Variants in COG5 observed in about 807,000 individuals in gnomAD.
The protein encoded by COG5 is conserved oligomeric Golgi complex subunit 5.
Under a neutral mutation model 110.4 loss-of-function variants are expected in COG5, and 86 were observed. The ratio of observed to expected loss-of-function variants is 0.78; its 90% CI spans 0.65 to 0.93. The LOEUF is 0.93. COG5 is among the 40% of genes least tolerant of loss of function. The pLI is 0.00. For missense variants in COG5, 1,077 were observed against 987.0 expected (o/e 1.09, Z -1.22); for synonymous variants, 360 against 334.6 (o/e 1.08, Z -0.83).
At chr7:107,545,911 G>A (rs12056254) in intron 5 of COG5, among the ~76,000 whole-genome samples, 62,050 of 151,532 alleles carry the variant, frequency 0.41, 13,122 homozygotes, top group Non-Finnish European at 0.47. Context: ...CAACAGCAGC[G>A]GAATACACAT....
chr7:107,372,662 T>A lies in COG5; in HGVS notation c.768A>T (p.Leu256Phe), dbSNP rs376958885. ...TSVVDGYCATLEENINSALDI... is the reference protein window; with the variant it reads ...TSVVDGYCATFEENINSALDI... ...CTAATGCACTGTTGATATTTTCTTC[T>A]AAAGTAGCACAATATCCATCCACAA... Residue 256 changes from leucine to phenylalanine, a missense_variant, in exon 8 of 22, where the codon TTA (leucine) becomes TTT (phenylalanine). Leu to Phe is a conservative substitution (Grantham distance 22, BLOSUM62 0). Coordinates refer to ENST00000297135, the MANE Select transcript of COG5 (RefSeq NM_006348.5). 112 of 1,613,568 alleles carry A rather than the reference T, an allele frequency of 6.9e-5. 1 individual carries two copies. Among genetic ancestry groups the A allele is most frequent in the Non-Finnish European group, 1.0e-5 (12 of 1,179,778 alleles).
At chr7:107,500,532 T>C (rs1427265923) in intron 6 of COG5, among the ~76,000 whole-genome samples, 16 of 152,198 alleles carry the variant, frequency 1.1e-4, no homozygotes, top group Non-Finnish European at 1.9e-4. Flanking sequence ...TTTAGTTACA[T>C]AGTATAAACT....
intron 6 of COG5, among the ~76,000 whole-genome samples, chr7:107,498,503 C>T (rs931949751): frequency 1.3e-5 from 2 of 151,906 alleles, no homozygotes; most frequent in African/African-American, 4.8e-5. Context: ...TACAAATAGC[C>T]AACAAGTATA....
rs79167947 is a variant in COG5, at chr7:107,394,050, C to T, written c.669+18452G>A. On this transcript the variant is annotated intron_variant, in intron 7 of 21. Coordinates refer to ENST00000297135, the MANE Select transcript of COG5 (RefSeq NM_006348.5). ...AATCTCAGCTCACTGCAAGCTCCAC[C>T]TCCCAGGTTCACGCCATTCTCCTGC... 3.1e-3 allele frequency among the ~76,000 whole-genome samples: 465 copies of T among 152,098 alleles called. 1 individual carries two copies. Among genetic ancestry groups the T allele is most frequent in the Non-Finnish European group, 5.0e-3 (342 of 67,992 alleles).
chr7:107,439,120 C>G lies in COG5; in HGVS notation c.539-26488G>C, dbSNP rs188677419. 1.8e-3 allele frequency among the ~76,000 whole-genome samples: 281 copies of G among 152,282 alleles called. 2 individuals carry two copies. Among genetic ancestry groups the G allele is most frequent in the African/African-American group, 6.5e-3 (272 of 41,564 alleles). ...CCCACGATCATTACCGTAAGGCCAA[C>G]CTCTCCACTATGTACACTAGGTTCT... On this transcript the variant is annotated intron_variant, in intron 6 of 21. Coordinates refer to ENST00000297135, the MANE Select transcript of COG5 (RefSeq NM_006348.5).
chr7:107,516,141 A>G (rs1258260294), intron 6 of COG5, among the ~76,000 whole-genome samples: 2 of 152,242 alleles, frequency 1.3e-5, no homozygotes, highest in East Asian at 3.8e-4. Flanking sequence ...AAAAAGTACA[A>G]TAAATATGTC....
intron 6 of COG5, among the ~76,000 whole-genome samples, chr7:107,505,639 T>C (rs918412572): frequency 1.3e-5 from 2 of 152,196 alleles, no homozygotes; most frequent in East Asian, 1.9e-4. Context: ...TGCCTGACTG[T>C]TGGGGCAGAG....
At chr7:107,523,845 A>G (rs553218875) in intron 6 of COG5, among the ~76,000 whole-genome samples, 3 of 152,256 alleles carry the variant, frequency 2.0e-5, no homozygotes, top group Non-Finnish European at 4.4e-5. Context: ...GAATGTAAAC[A>G]TTACAACAAC....
intron 19 of COG5, among the ~76,000 whole-genome samples, chr7:107,213,928 G>A (rs1360200045): frequency 1.3e-5 from 2 of 152,030 alleles, no homozygotes; most frequent in African/African-American, 4.8e-5. Context: ...CTAAAGAGAC[G>A]GTCATCTATG....
intron 10 of COG5, among the ~76,000 whole-genome samples, chr7:107,351,255 T>C (rs1812108811): frequency 6.6e-6 from 1 of 152,196 alleles, no homozygotes; most frequent in Non-Finnish European, 1.5e-5. Flanking sequence ...TGGCTAGCCA[T>C]ATGTAGAAAG....
intron 5 of COG5, among the ~76,000 whole-genome samples, chr7:107,532,116 G>A (rs1364571862): frequency 6.6e-6 from 1 of 152,100 alleles, no homozygotes; most frequent in Non-Finnish European, 1.5e-5. Context: ...GAGTACAATG[G>A]CACAACCTTG....
intron 8 of COG5, among the ~76,000 whole-genome samples, chr7:107,370,138 G>C (rs1479730896): frequency 1.3e-5 from 2 of 151,768 alleles, no homozygotes; most frequent in African/African-American, 4.8e-5. Flanking sequence ...TTCTTAGGAA[G>C]TCTCAGATTG....
chr7:107,416,408 C>T (rs771494936), intron 6 of COG5, among the ~76,000 whole-genome samples: 59 of 151,908 alleles, frequency 3.9e-4, no homozygotes, highest in Admixed American at 7.2e-4. Flanking sequence ...ACACACACAG[C>T]AACAGGTAAT....
At chr7:107,537,650 T>G (rs779107002) in intron 5 of COG5, among the ~76,000 whole-genome samples, 1 of 151,686 alleles carries the variant, frequency 6.6e-6, no homozygotes, top group South Asian at 2.1e-4. Context: ...AATGGGTTGA[T>G]GGGTGCAGCA....
intron 6 of COG5, among the ~76,000 whole-genome samples, chr7:107,517,931 C>T (rs1014899791): frequency 1.3e-5 from 2 of 152,036 alleles, no homozygotes; most frequent in Non-Finnish European, 2.9e-5. Context: ...CTCCTGACCT[C>T]GAGATCTGCC....
At chr7:107,312,587 C>T (rs776389476) in intron 11 of COG5, among the ~76,000 whole-genome samples, 6 of 152,002 alleles carry the variant, frequency 3.9e-5, no homozygotes, top group African/African-American at 1.2e-4. Context: ...GATATAGACA[C>T]GTGTTTCAGG....
chr7:107,514,329 TACACACACACACACACACACACAC>T (rs61351697), intron 6 of COG5, among the ~76,000 whole-genome samples: 3 of 145,638 alleles, frequency 2.1e-5, no homozygotes, highest in Non-Finnish European at 3.0e-5. Context: ...TGGCCTATTT[TACACACACACACACACACACACAC>T]ACACACACAC....
chr7:107,252,048 A>G (rs1802553993), intron 16 of COG5, among the ~76,000 whole-genome samples: 1 of 152,112 alleles, frequency 6.6e-6, no homozygotes, highest in East Asian at 1.9e-4. Context: ...TATAGGTCCT[A>G]AAGACATCAA....
At position 107,272,376 on chromosome 7, in the gene COG5, G is replaced by A. The variant is rs372212979; in HGVS notation, c.1575+8924C>T. Among the ~76,000 whole-genome samples the A allele has an allele frequency of 1.1e-4, 16 of 152,252 alleles. No individual in the cohort carries two copies. The East Asian group carries it at 1.5e-3, about 15-fold the overall frequency. On this transcript the variant is annotated intron_variant, in intron 14 of 21. Transcript: ENST00000297135. ...TCCCACCTTTCCGGATGGAACCACTGTTCATCTTACATATGTTGATTGATG... is the reference window on the plus strand; with the variant it reads ...TCCCACCTTTCCGGATGGAACCACTATTCATCTTACATATGTTGATTGATG...
Sources: allele counts gnomAD v4.1 joint callset (sites outside exome capture counted in the v4.1 genomes callset), GRCh38; gene constraint gnomAD v4.1.1; transcripts MANE v1.5; gene names NCBI Gene and HGNC (gene_info 2026-07-23, HGNC 2026-07-21).